ZNF407: variants seen among roughly 807,000 people sequenced by gnomAD.
The protein encoded by ZNF407 is zinc finger protein 407.
A neutral mutation model predicts 131.2 loss-of-function variants in ZNF407; 17 were observed. The ratio of observed to expected loss-of-function variants is 0.13; its 90% confidence interval spans 0.09 to 0.19. The LOEUF (loss-of-function observed/expected upper bound fraction) is 0.19, where lower values mean the gene tolerates loss of function less well. Among genes scored for constraint, ZNF407 ranks in the 10% least tolerant of loss-of-function variants. The pLI, the probability that ZNF407 is intolerant of heterozygous loss-of-function variation, is 1.00. For missense variants in ZNF407, 2,681 were observed against 2,830.6 expected (o/e 0.95, Z 1.20); for synonymous variants, 1,156 against 1,062.0 (o/e 1.09, Z -1.72).
intron 8 of ZNF407, among the ~76,000 whole-genome samples, chr18:74,928,921 G>C (rs1183379183): frequency 6.6e-6 from 1 of 152,000 alleles, no homozygotes; most frequent in Non-Finnish European, 1.5e-5. Flanking sequence ...TTTTAAAACT[G>C]TTTTTTTAAA....
chr18:74,852,193 ACACACGCACGCACGCACGCG>A (rs1970796633), intron 4 of ZNF407, among the ~76,000 whole-genome samples: 1 of 67,898 alleles, frequency 1.5e-5, no homozygotes. Flanking sequence ...ACACACACAC[ACACACGCACGCACGCACGCG>A]CACGCGCGCG....
intron 3 of ZNF407, among the ~76,000 whole-genome samples, chr18:74,761,981 A>G (rs1373630378): frequency 1.3e-5 from 2 of 152,126 alleles, no homozygotes; most frequent in Non-Finnish European, 2.9e-5. Flanking sequence ...AACACAGTGT[A>G]AGAAAGTTAT....
intron 3 of ZNF407, among the ~76,000 whole-genome samples, chr18:74,757,892 G>T (rs1012514064): frequency 2.0e-5 from 3 of 151,788 alleles, no homozygotes; most frequent in African/African-American, 7.3e-5. Context: ...CCGTTTTTTG[G>T]CTTCTAGTAA....
rs776869446 is a variant in ZNF407 at position 74,634,281 on chromosome 18, G to T, written c.3262G>T (p.Ala1088Ser). ...CTCTGCTAATGTAGAAGCTGGTTCTGCAGACATGTCCAAAAACATCATTAT... is the reference window on the plus strand; with the variant it reads ...CTCTGCTAATGTAGAAGCTGGTTCTTCAGACATGTCCAAAAACATCATTAT... ...LNSANVEAGS[A>S]DMSKNIIMPE... Residue 1088 changes from alanine (A) to serine (S), a missense_variant, in exon 2 of 9, where the codon GCA (alanine) becomes TCA (serine). By Grantham distance (99) the Ala-to-Ser change is moderately conservative. Transcript: ENST00000299687. 10 of 1,613,906 alleles carry T rather than the reference G, an allele frequency of 6.2e-6. No individual in the cohort carries two copies. The highest frequency in any genetic ancestry group is 8.5e-6 in the Non-Finnish European group (10 of 1,179,896).
chr18:74,882,216 T>C (rs952913739), intron 6 of ZNF407, among the ~76,000 whole-genome samples: 1 of 152,244 alleles, frequency 6.6e-6, no homozygotes. Context: ...ATGGGTCTTA[T>C]GAGTAATTAT....
chr18:74,618,509 T>C (rs1983404070), intron 1 of ZNF407, among the ~76,000 whole-genome samples: 1 of 152,226 alleles, frequency 6.6e-6, no homozygotes, highest in Non-Finnish European at 1.5e-5. Context: ...CTGATGTTCA[T>C]TTGTGGAGTT....
Position 74,905,069 on chromosome 18 carries a change from C to G in ZNF407, c.5249+15031C>G, listed in dbSNP as rs569860202. Among the ~76,000 whole-genome samples the G allele has an allele frequency of 9.6e-4, 146 of 152,262 alleles. 2 individuals carry two copies. The highest frequency in any genetic ancestry group is 3.3e-3 in the African/African-American group (136 of 41,552). ...TACAGCACAGCTTTTTGTTACTGCTCTTAACATACACAACTCTTTTGTCTT... is the reference window on the plus strand; with the variant it reads ...TACAGCACAGCTTTTTGTTACTGCTGTTAACATACACAACTCTTTTGTCTT... On this transcript the variant is annotated intron_variant, in intron 7 of 8. Transcript: ENST00000299687.
chr18:74,631,286 A>G lies in ZNF407; in HGVS notation c.267A>G (p.Gln89=), dbSNP rs1984057273. ...DEAEPLKSGK[Q]GICRLETSES... ...CAGAGCCCCTTAAATCTGGAAAGCAAGGTATTTGTAGATTAGAAACTTCTG... is the reference window on the plus strand; with the variant it reads ...CAGAGCCCCTTAAATCTGGAAAGCAGGGTATTTGTAGATTAGAAACTTCTG... The change falls in exon 2 of 9, where the codon CAA becomes CAG. Residue 89 remains glutamine, a synonymous_variant. Transcript: ENST00000299687. 6.2e-7 allele frequency: 1 copy of G among 1,613,892 alleles called. No homozygotes were observed. The highest frequency in any genetic ancestry group is 1.3e-5 in the African/African-American group (1 of 74,924).
chr18:75,007,179 T>A (rs2122173024), intron 8 of ZNF407, among the ~76,000 whole-genome samples: 1 of 152,272 alleles, frequency 6.6e-6, no homozygotes, highest in Non-Finnish European at 1.5e-5. Context: ...ATACTTACTG[T>A]TAGTATTTTT....
chr18:74,656,629 G>A (rs961049796), intron 3 of ZNF407, among the ~76,000 whole-genome samples: 9 of 152,170 alleles, frequency 5.9e-5, no homozygotes, highest in African/African-American at 2.2e-4. Context: ...GAACATTTCA[G>A]TGATTACAAG....
At chr18:74,760,782 C>G (rs917562453) in intron 3 of ZNF407, among the ~76,000 whole-genome samples, 6 of 152,262 alleles carry the variant, frequency 3.9e-5, no homozygotes, top group East Asian at 3.9e-4. Flanking sequence ...CAGATCTACT[C>G]TAGTCATCAT....
intron 4 of ZNF407, among the ~76,000 whole-genome samples, chr18:74,862,722 A>G (rs1198190949): frequency 6.6e-6 from 1 of 152,202 alleles, no homozygotes; most frequent in Non-Finnish European, 1.5e-5. Context: ...CTAAAATTTG[A>G]TAATTCTGAA....
At chr18:74,991,710 G>T (rs1972720956) in intron 8 of ZNF407, among the ~76,000 whole-genome samples, 1 of 151,962 alleles carries the variant, frequency 6.6e-6, no homozygotes, top group Admixed American at 6.6e-5. Flanking sequence ...TAACATTTCT[G>T]AGCCCACTGA....
chr18:75,001,064 T>C (rs776207445), intron 8 of ZNF407, among the ~76,000 whole-genome samples: 1 of 152,138 alleles, frequency 6.6e-6, no homozygotes, highest in Non-Finnish European at 1.5e-5. Flanking sequence ...TTCAGACTCA[T>C]CAGTGCCTAT....
chr18:75,047,593 C>T (rs575834850), intron 8 of ZNF407, among the ~76,000 whole-genome samples: 2 of 152,168 alleles, frequency 1.3e-5, no homozygotes, highest in South Asian at 4.1e-4. Context: ...CCTGGAATTT[C>T]TGTTAAGACT....
intron 8 of ZNF407, among the ~76,000 whole-genome samples, chr18:74,936,353 G>T (rs1050068645): frequency 7.2e-5 from 11 of 152,176 alleles, no homozygotes; most frequent in Non-Finnish European, 1.3e-4. Context: ...TATCCTCATA[G>T]TGCAGACAAA....
At chr18:74,979,726 G>A (rs976112857) in intron 8 of ZNF407, among the ~76,000 whole-genome samples, 3 of 152,176 alleles carry the variant, frequency 2.0e-5, no homozygotes, top group Non-Finnish European at 4.4e-5. Flanking sequence ...ATGAAATAAT[G>A]TTCGACCTTA....
At chr18:75,023,169 G>A (rs1163670766) in intron 8 of ZNF407, among the ~76,000 whole-genome samples, 1 of 152,086 alleles carries the variant, frequency 6.6e-6, no homozygotes, top group African/African-American at 2.4e-5. Context: ...AGACACGCTG[G>A]GGTCTGAAGT....
At chr18:74,984,529 T>G (rs145844101) in intron 8 of ZNF407, among the ~76,000 whole-genome samples, 40 of 152,380 alleles carry the variant, frequency 2.6e-4, no homozygotes, top group African/African-American at 9.1e-4. Flanking sequence ...TAAGTTGTTA[T>G]GACCTTTTAT....
Sources: allele counts gnomAD v4.1 joint callset (sites outside exome capture counted in the v4.1 genomes callset), GRCh38; gene constraint gnomAD v4.1.1; transcripts MANE v1.5; gene names NCBI Gene and HGNC (gene_info 2026-07-23, HGNC 2026-07-21).